Variants in AHCYL2 observed in about 807,000 individuals in gnomAD.
The protein encoded by AHCYL2 is S-adenosylhomocysteine hydrolase-like protein 2.
A neutral mutation model predicts 81.4 loss-of-function variants in AHCYL2; 28 were observed. The observed-to-expected ratio is 0.34, with a 90% CI of 0.25 to 0.47. The LOEUF (loss-of-function observed/expected upper bound fraction) is 0.47. Ranked by LOEUF, AHCYL2 falls within the 20% of genes least tolerant of loss-of-function variation. The pLI is 1.00. For missense variants in AHCYL2, 551 were observed against 785.1 expected (o/e 0.70, Z 3.56); for synonymous variants, 272 against 290.2 (o/e 0.94, Z 0.64).
intron 1 of AHCYL2, among the ~76,000 whole-genome samples, chr7:129,243,564 G>A (rs1794940313): frequency 6.6e-6 from 1 of 151,040 alleles, no homozygotes; most frequent in Non-Finnish European, 1.5e-5. Flanking sequence ...TATGTCTTTT[G>A]TTTGTTTTTG....
chr7:129,267,113 CA>C (rs1270992037), intron 1 of AHCYL2, among the ~76,000 whole-genome samples: 3 of 151,036 alleles, frequency 2.0e-5, no homozygotes, highest in African/African-American at 7.3e-5. Context: ...TAAGTGAAAA[CA>C]AAAAAAGATT....
Position 129,397,301 on chromosome 7 carries a change from T to A in AHCYL2, c.800T>A (p.Val267Glu). 1 of 1,614,158 alleles carries A rather than the reference T, an allele frequency of 6.2e-7. No individual in the cohort carries two copies. Among genetic ancestry groups the A allele is most frequent in the Non-Finnish European group, 8.5e-7 (1 of 1,180,022 alleles). ...AACATCTATTCCACTCTCAATGAAG[T>A]GGCTGCTGCTCTAGCAGAAAGTGGT... ...ACNIYSTLNE[V>E]AAALAESGFP... Residue 267 changes from valine (V) to glutamate (E), a missense_variant, in exon 5 of 17, where the codon GTG (valine) becomes GAG (glutamate). Val to Glu is a moderately radical substitution (Grantham distance 121). This residue lies in a region of AHCYL2 where 316 missense variants were observed against 543.1 expected (regional missense o/e 0.58). Transcript: ENST00000325006.
At position 129,392,426 on chromosome 7, in the gene AHCYL2, A is replaced by G. The variant is rs116692501; in HGVS notation, c.720+2692A>G. Among the ~76,000 whole-genome samples the G allele has an allele frequency of 1.4e-3, 206 of 152,342 alleles. 1 individual carries two copies. Among genetic ancestry groups the G allele is most frequent in the African/African-American group, 4.6e-3 (190 of 41,574 alleles). On this transcript the variant is annotated intron_variant, in intron 4 of 16. Transcript: ENST00000325006. Reference sequence around the variant, plus strand: ...GCTTTCTATGTGCCCTCACATGGCCAAAGGGGCAAGCAAGCTTCCTCAGGC... The same window carrying G: ...GCTTTCTATGTGCCCTCACATGGCCGAAGGGGCAAGCAAGCTTCCTCAGGC...
At chr7:129,242,212 A>C (rs971726124) in intron 1 of AHCYL2, among the ~76,000 whole-genome samples, 2 of 152,070 alleles carry the variant, frequency 1.3e-5, no homozygotes, top group African/African-American at 4.8e-5. Context: ...TACAGTTTAC[A>C]CATTCATCTC....
chr7:129,246,739 C>T (rs1270053889), intron 1 of AHCYL2, among the ~76,000 whole-genome samples: 1 of 152,136 alleles, frequency 6.6e-6, no homozygotes, highest in Non-Finnish European at 1.5e-5. Context: ...TCAAGTGATC[C>T]ACCTGCCTCA....
intron 1 of AHCYL2, among the ~76,000 whole-genome samples, chr7:129,260,877 C>T (rs1483092053): frequency 6.6e-6 from 1 of 152,194 alleles, no homozygotes; most frequent in Admixed American, 6.5e-5. Context: ...CAACCTCCGC[C>T]TCCTGGGTTC....
chr7:129,281,243 T>C (rs1389400458), intron 1 of AHCYL2, among the ~76,000 whole-genome samples: 17 of 152,140 alleles, frequency 1.1e-4, no homozygotes, highest in Non-Finnish European at 2.5e-4. Context: ...TCTTTTTATA[T>C]ATTGCTGGGC....
chr7:129,382,282 G>T lies in AHCYL2; in HGVS notation c.475+2533G>T, dbSNP rs78205151. On this transcript the variant is annotated intron_variant, in intron 2 of 16. Transcript: ENST00000325006. ...AAATATGTGTCAATAAAAACTTGGG[G>T]CCCATTTTCAGCATATGTTATAATT... Among the ~76,000 whole-genome samples, 159 of 152,212 alleles carry T rather than the reference G, an allele frequency of 1.0e-3. 1 individual carries two copies. In the East Asian group the frequency reaches 0.026, roughly 25 times the overall value.
intron 1 of AHCYL2, among the ~76,000 whole-genome samples, chr7:129,298,746 T>C (rs1395636782): frequency 6.6e-6 from 1 of 152,220 alleles, no homozygotes; most frequent in Non-Finnish European, 1.5e-5. Flanking sequence ...ATTTTATGTA[T>C]TATATTAAAC....
chr7:129,357,522 G>A (rs1352900885), intron 1 of AHCYL2, among the ~76,000 whole-genome samples: 1 of 152,182 alleles, frequency 6.6e-6, no homozygotes, highest in Non-Finnish European at 1.5e-5. Flanking sequence ...CTCAAAATCA[G>A]AATGTATAAA....
At chr7:129,271,481 A>G (rs2402947) in intron 1 of AHCYL2, among the ~76,000 whole-genome samples, 142,781 of 152,182 alleles carry the variant, frequency 0.94, 67,631 homozygotes, top group East Asian at 1. Context: ...TTCATAGAAC[A>G]GAATACTATT....
At chr7:129,407,279 G>A (rs1398506676) in intron 10 of AHCYL2, among the ~76,000 whole-genome samples, 1 of 152,208 alleles carries the variant, frequency 6.6e-6, no homozygotes, top group African/African-American at 2.4e-5. Flanking sequence ...CTAAGCCTGG[G>A]AGGTGGAGGC....
intron 1 of AHCYL2, among the ~76,000 whole-genome samples, chr7:129,270,661 T>C (rs1454480207): frequency 6.6e-6 from 1 of 152,238 alleles, no homozygotes; most frequent in Non-Finnish European, 1.5e-5. Context: ...TCTGGATGAC[T>C]AAGAGACTTA....
chr7:129,340,533 A>G (rs913425191), intron 1 of AHCYL2, among the ~76,000 whole-genome samples: 4 of 148,886 alleles, frequency 2.7e-5, no homozygotes, highest in Non-Finnish European at 4.4e-5. Flanking sequence ...GCGCCACTGC[A>G]CTCCAGCCTG....
Position 129,406,221 on chromosome 7 carries a change from G to A in AHCYL2, c.1207-157G>A, listed in dbSNP as rs1313944622. On this transcript the variant is annotated intron_variant, in intron 9 of 16. Transcript: ENST00000325006. The surrounding 1 kb of genome is among the most constrained non-coding windows in gnomAD (Gnocchi z 4.3). ...GGAGCCAGGGGTTTGTTTATGAGCTGCATTCAATTATTTGTTCTTCTCGTT... is the reference window on the plus strand; with the variant it reads ...GGAGCCAGGGGTTTGTTTATGAGCTACATTCAATTATTTGTTCTTCTCGTT... 1.3e-5 allele frequency among the ~76,000 whole-genome samples: 2 copies of A among 151,932 alleles called. No homozygotes were observed. Among genetic ancestry groups the A allele is most frequent in the Admixed American group, 6.6e-5 (1 of 15,232 alleles).
intron 1 of AHCYL2, among the ~76,000 whole-genome samples, chr7:129,244,058 G>A (rs1794962513): frequency 6.6e-6 from 1 of 151,642 alleles, no homozygotes; most frequent in Non-Finnish European, 1.5e-5. Flanking sequence ...GAGTGCAGTG[G>A]TGCAATCATG....
At chr7:129,265,063 G>A (rs1244954963) in intron 1 of AHCYL2, among the ~76,000 whole-genome samples, 1 of 152,146 alleles carries the variant, frequency 6.6e-6, no homozygotes, top group East Asian at 1.9e-4. Flanking sequence ...CAGAATGTAT[G>A]TACTGTGTTT....
chr7:129,343,001 T>TTTA (rs1793239352), intron 1 of AHCYL2, among the ~76,000 whole-genome samples: 1 of 152,254 alleles, frequency 6.6e-6, no homozygotes, highest in Non-Finnish European at 1.5e-5. Flanking sequence ...CCCCATTTCC[T>TTTA]TTATATAGGG....
intron 1 of AHCYL2, among the ~76,000 whole-genome samples, chr7:129,310,222 C>T (rs953878989): frequency 1.3e-5 from 2 of 152,222 alleles, no homozygotes; most frequent in Admixed American, 1.3e-4. Flanking sequence ...ACAAAATAGA[C>T]CCCATAAATC....
Sources: gnomAD v4.1 joint callset for allele counts (sites outside exome capture counted in the v4.1 genomes callset) on GRCh38, gnomAD v4.1.1 for gene constraint, gnomAD v4.1.1 regional missense constraint, Gnocchi (gnomAD v3.1) non-coding constraint, MANE v1.5 for transcripts, NCBI Gene and HGNC (gene_info 2026-07-23, HGNC 2026-07-21) for gene names.